The following ZBTB20 variants were observed in gnomAD, a reference collection of about 807,000 sequenced individuals.
The protein encoded by ZBTB20 is zinc finger and BTB domain-containing protein 20.
A neutral mutation model predicts 56.9 loss-of-function variants in ZBTB20; 9 were observed. The observed-to-expected ratio is 0.16, with a 90% confidence interval of 0.10 to 0.28. The LOEUF is 0.28. Among genes scored for constraint, ZBTB20 ranks in the 10% least tolerant of loss-of-function variants. ZBTB20 has a pLI of 1.00. For synonymous variants in ZBTB20, 417 were observed against 420.7 expected, an observed-to-expected ratio of 0.99 and a Z score of 0.11; for missense variants, 655 against 1,003.0, an observed-to-expected ratio of 0.65 and a Z score of 4.69.
chr3:114,424,877 C>T (rs13091312), intron 7 of ZBTB20, among the ~76,000 whole-genome samples: 89,211 of 152,010 alleles, frequency 0.59, 28,709 homozygotes, highest in Non-Finnish European at 0.73. Context: ...TAAAGCAAAC[C>T]GGCCTCTCAG....
At chr3:114,458,315 ATATAGT>A (rs1292377223) in intron 7 of ZBTB20, among the ~76,000 whole-genome samples, 1 of 152,192 alleles carries the variant, frequency 6.6e-6, no homozygotes, top group Non-Finnish European at 1.5e-5. Flanking sequence ...ACACACAAAC[ATATAGT>A]TATATTTAAG....
At chr3:115,034,982 AATAGTG>A (rs1224958110) in intron 2 of ZBTB20, among the ~76,000 whole-genome samples, 1 of 152,106 alleles carries the variant, frequency 6.6e-6, no homozygotes, top group Non-Finnish European at 1.5e-5. Context: ...CTTTTCAATA[AATAGTG>A]ATTGGGAAAA....
intron 6 of ZBTB20, among the ~76,000 whole-genome samples, chr3:114,541,821 G>A (rs2049149291): frequency 6.6e-6 from 1 of 152,144 alleles, no homozygotes. Flanking sequence ...ACTAGCTGAG[G>A]AAACTGTCAT....
intron 6 of ZBTB20, among the ~76,000 whole-genome samples, chr3:114,597,152 A>C (rs886319725): frequency 2.0e-5 from 3 of 152,176 alleles, no homozygotes; most frequent in African/African-American, 7.2e-5. Flanking sequence ...AATCTATTTT[A>C]TGCCAAGACA....
intron 6 of ZBTB20, among the ~76,000 whole-genome samples, chr3:114,679,341 A>C (rs2061824417): frequency 6.6e-6 from 1 of 152,214 alleles, no homozygotes; most frequent in Non-Finnish European, 1.5e-5. Context: ...ATCAGAGTAA[A>C]CAGGCAACCT....
At chr3:114,677,285 A>T (rs190013373) in intron 6 of ZBTB20, among the ~76,000 whole-genome samples, 111 of 152,320 alleles carry the variant, frequency 7.3e-4, no homozygotes, top group Non-Finnish European at 2.9e-5. Context: ...CCTTGCACTT[A>T]ACAATAAACT....
chr3:114,317,902 C>T lies in ZBTB20; in HGVS notation c.*21103G>A, dbSNP rs889309499. ...AGGGGAACAAGAGAGAGTTTTTAGACAGAAGAAAGGAAAAAGGAAGAAATA... is the reference window on the plus strand; with the variant it reads ...AGGGGAACAAGAGAGAGTTTTTAGATAGAAGAAAGGAAAAAGGAAGAAATA... On this transcript the variant is annotated 3_prime_UTR_variant, in exon 12 of 12. Coordinates refer to ENST00000675478, the MANE Select transcript of ZBTB20 (RefSeq NM_001348800.3). The T allele has an allele frequency of 6.6e-6, 1 of 152,096 alleles. No homozygotes were observed. Among genetic ancestry groups the T allele is most frequent in the African/African-American group, 2.4e-5 (1 of 41,402 alleles). The allele number at this position is 152,096 out of a possible 1,614,324, so 9.4% of individuals were successfully genotyped here.
At chr3:115,018,326 A>C (rs1464663672) in intron 2 of ZBTB20, among the ~76,000 whole-genome samples, 3 of 151,540 alleles carry the variant, frequency 2.0e-5, no homozygotes, top group Admixed American at 1.3e-4. Context: ...AGATAAAATT[A>C]ACCACAGACT....
intron 1 of ZBTB20, chr3:115,144,972 AATCTC>A (rs2084921115): frequency 6.6e-6 from 1 of 152,202 alleles, no homozygotes; most frequent in African/African-American, 2.4e-5. Flanking sequence ...TAGTTCTAGA[AATCTC>A]ACTTTTCTTC....
At chr3:114,456,057 C>T (rs2091991692) in intron 7 of ZBTB20, among the ~76,000 whole-genome samples, 2 of 151,982 alleles carry the variant, frequency 1.3e-5, no homozygotes, top group South Asian at 4.1e-4. Flanking sequence ...TGAAAATCAC[C>T]CTTACCTCCC....
At position 114,858,522 on chromosome 3, in the gene ZBTB20, A is replaced by AT. The variant is rs1170700366; in HGVS notation, c.-417+41781dup. Among the ~76,000 whole-genome samples the AT allele has an allele frequency of 5.3e-5, 8 of 150,728 alleles. No homozygotes were observed. In the South Asian group the frequency reaches 1.3e-3, roughly 24 times the overall value. Reference sequence around the variant, plus strand: ...ACCTGCAGTTTCTACTTGTGCGTGTATTCGTGTGTGTGTGTGTGTGTGTGT... The same window carrying AT: ...ACCTGCAGTTTCTACTTGTGCGTGTATTTCGTGTGTGTGTGTGTGTGTGTGT... On this transcript the variant is annotated intron_variant, in intron 4 of 11. Coordinates refer to ENST00000675478, the MANE Select transcript of ZBTB20 (RefSeq NM_001348800.3).
intron 4 of ZBTB20, among the ~76,000 whole-genome samples, chr3:114,868,652 C>T (rs1014060344): frequency 6.6e-6 from 1 of 152,140 alleles, no homozygotes; most frequent in Non-Finnish European, 1.5e-5. Context: ...CTCTACCATA[C>T]ATAGGATCTT....
intron 2 of ZBTB20, among the ~76,000 whole-genome samples, chr3:115,054,469 C>T (rs1404680509): frequency 6.6e-6 from 1 of 152,088 alleles, no homozygotes; most frequent in East Asian, 1.9e-4. Context: ...CACATTTTTG[C>T]ACTTACTCAG....
chr3:114,433,691 C>T (rs2090291173), intron 7 of ZBTB20, among the ~76,000 whole-genome samples: 1 of 152,116 alleles, frequency 6.6e-6, no homozygotes, highest in South Asian at 2.1e-4. Flanking sequence ...ATTAAGCTTA[C>T]TGTGCAGTGG....
chr3:114,879,321 G>C (rs2076310534), intron 4 of ZBTB20, among the ~76,000 whole-genome samples: 1 of 152,116 alleles, frequency 6.6e-6, no homozygotes, highest in Admixed American at 6.5e-5. Context: ...GTGCTGGAGT[G>C]CTGGCATAAA....
chr3:114,905,923 T>G (rs2075300848), intron 3 of ZBTB20, among the ~76,000 whole-genome samples: 1 of 151,852 alleles, frequency 6.6e-6, no homozygotes, highest in South Asian at 2.1e-4. Flanking sequence ...ACCAATTATG[T>G]GGTTCTTATA....
chr3:115,084,285 C>CAAAAAAAAAAAAAAAAAAAA (rs11426311), intron 1 of ZBTB20, among the ~76,000 whole-genome samples: 1 of 119,878 alleles, frequency 8.3e-6, no homozygotes. Context: ...TGAAGAGTGC[C>CAAAAAAAAAAAAAAAAAAAA]AAAAAAAAAA....
At chr3:114,657,948 T>C (rs1458109829) in intron 6 of ZBTB20, among the ~76,000 whole-genome samples, 1 of 152,180 alleles carries the variant, frequency 6.6e-6, no homozygotes, top group East Asian at 1.9e-4. Context: ...TGTGGTTTTA[T>C]GTTAGATAGC....
intron 6 of ZBTB20, among the ~76,000 whole-genome samples, chr3:114,674,764 C>G (rs967262169): frequency 6.6e-6 from 1 of 151,942 alleles, no homozygotes; most frequent in African/African-American, 2.4e-5. Context: ...TTAGAAATAT[C>G]TTTTGATTTA....
Sources: allele counts gnomAD v4.1 joint callset (sites outside exome capture counted in the v4.1 genomes callset), GRCh38; gene constraint gnomAD v4.1.1; transcripts MANE v1.5; gene names NCBI Gene and HGNC (gene_info 2026-07-23, HGNC 2026-07-21).